Variants in OLFM2 observed in about 807,000 individuals in gnomAD.
The protein encoded by OLFM2 is noelin-2.
In OLFM2, 20 loss-of-function variants were observed where a neutral mutation model predicts 43.9. The observed-to-expected ratio is 0.46, with a 90% confidence interval of 0.32 to 0.66. The LOEUF (loss-of-function observed/expected upper bound fraction) is 0.66, where lower values mean the gene tolerates loss of function less well. OLFM2 is among the 30% of genes least tolerant of loss of function. The probability of loss-of-function intolerance (pLI) is 0.04; values close to 1 mark genes in which losing one functional copy is unlikely to be tolerated. For synonymous variants in OLFM2, 268 were observed against 278.6 expected (o/e 0.96, Z 0.38); for missense variants, 416 against 643.6 (o/e 0.65, Z 3.83).
intron 1 of OLFM2, among the ~76,000 whole-genome samples, chr19:9,902,320 G>A (rs560185077): frequency 4.0e-5 from 6 of 151,248 alleles, no homozygotes; most frequent in Admixed American, 6.6e-5. Flanking sequence ...GAGCCACTGC[G>A]CCCAGCCGAC....
chr19:9,859,409 C>T (rs990922100), intron 2 of OLFM2, among the ~76,000 whole-genome samples: 3 of 152,122 alleles, frequency 2.0e-5, no homozygotes, highest in African/African-American at 4.8e-5. Context: ...CTCCACCTCC[C>T]GGGTTCAAGC....
At chr19:9,899,461 T>C (rs2046712256) in intron 1 of OLFM2, among the ~76,000 whole-genome samples, 2 of 152,046 alleles carry the variant, frequency 1.3e-5, no homozygotes, top group Admixed American at 1.3e-4. Flanking sequence ...TCTCCCTGGC[T>C]CCTTCTCAAT....
At chr19:9,866,808 T>C (rs928551306) in intron 1 of OLFM2, among the ~76,000 whole-genome samples, 4 of 152,106 alleles carry the variant, frequency 2.6e-5, no homozygotes, top group Non-Finnish European at 5.9e-5. Context: ...CAACCCACTC[T>C]CTCTTTGCTG....
intron 1 of OLFM2, among the ~76,000 whole-genome samples, chr19:9,887,086 C>T (rs1390792495): frequency 1.3e-5 from 2 of 152,228 alleles, no homozygotes; most frequent in African/African-American, 4.8e-5. Flanking sequence ...CAGTGCCTGG[C>T]ACGCAGCAGG....
rs948212923 is a variant in OLFM2, at chr19:9,936,448, G to A, written c.-82C>T. ...GGGGACCGCCACCAGGCGCGACCCC[G>A]CCCGCCCGGCCGGGGCGACCCTGCG... On this transcript the variant is annotated 5_prime_UTR_variant, in exon 1 of 6. Coordinates refer to ENST00000264833, the MANE Select transcript of OLFM2 (RefSeq NM_058164.4). 1.7e-5 allele frequency: 17 copies of A among 995,280 alleles called. No homozygotes were observed. The highest frequency in any genetic ancestry group is 9.2e-5 in the East Asian group (1 of 10,874). 61.7% of individuals were successfully genotyped at this position (995,280 alleles called of 1,614,324 possible).
intron 1 of OLFM2, among the ~76,000 whole-genome samples, chr19:9,927,245 G>A (rs2086459142): frequency 6.6e-6 from 1 of 151,962 alleles, no homozygotes; most frequent in South Asian, 2.1e-4. Flanking sequence ...TCGCACCACT[G>A]CACTCCAGCC....
At chr19:9,925,723 C>A (rs900970602) in intron 1 of OLFM2, among the ~76,000 whole-genome samples, 3 of 151,728 alleles carry the variant, frequency 2.0e-5, no homozygotes, top group African/African-American at 2.4e-5. Flanking sequence ...TGTGAGCCAC[C>A]GCGCCTGGCC....
At chr19:9,894,406 TAATAATA>T (rs1476916732) in intron 1 of OLFM2, among the ~76,000 whole-genome samples, 140 of 86,708 alleles carry the variant, frequency 1.6e-3, no homozygotes, top group African/African-American at 3.8e-3. Flanking sequence ...ATAATAATAA[TAATAATA>T]AATAAATAAA....
intron 1 of OLFM2, among the ~76,000 whole-genome samples, chr19:9,893,159 TTTTTTC>T (rs1459665939): frequency 7.2e-6 from 1 of 138,778 alleles, no homozygotes; most frequent in Non-Finnish European, 1.6e-5. Context: ...ATCTTTTATT[TTTTTTC>T]TTTTTCTTTT....
intron 1 of OLFM2, among the ~76,000 whole-genome samples, chr19:9,885,026 G>T (rs1455113504): frequency 6.6e-6 from 1 of 152,158 alleles, no homozygotes; most frequent in South Asian, 2.1e-4. Context: ...GTTTTGAAGC[G>T]GTCATGGAGT....
chr19:9,870,555 G>A (rs1011724057), intron 1 of OLFM2, among the ~76,000 whole-genome samples: 5 of 152,190 alleles, frequency 3.3e-5, no homozygotes, highest in Admixed American at 3.3e-4. Context: ...ACACTGCTGT[G>A]TTCTCTCTGG....
intron 1 of OLFM2, among the ~76,000 whole-genome samples, chr19:9,909,030 G>C (rs985119696): frequency 1.3e-5 from 2 of 151,978 alleles, no homozygotes; most frequent in Non-Finnish European, 2.9e-5. Flanking sequence ...TGTAGAGACA[G>C]GATCTTGCTA....
At chr19:9,860,098 C>T (rs541358833) in intron 2 of OLFM2, among the ~76,000 whole-genome samples, 10 of 151,048 alleles carry the variant, frequency 6.6e-5, no homozygotes, top group Non-Finnish European at 1.2e-4. Flanking sequence ...GCTGAGATCG[C>T]GCCACTGCAC....
At chr19:9,864,948 G>C (rs1311825004) in intron 1 of OLFM2, among the ~76,000 whole-genome samples, 1 of 151,284 alleles carries the variant, frequency 6.6e-6, no homozygotes, top group Non-Finnish European at 1.5e-5. Context: ...TAAGTCTCCC[G>C]GCACGGGTTT....
At position 9,936,362 on chromosome 19, in the gene OLFM2, C is replaced by T; in HGVS notation, c.5G>A (p.Trp2Ter). 6.7e-7 allele frequency: 1 copy of T among 1,497,334 alleles called. No homozygotes were observed. Among genetic ancestry groups the T allele is most frequent in the Non-Finnish European group, 8.8e-7 (1 of 1,130,052 alleles). 92.8% of individuals were successfully genotyped at this position (1,497,334 alleles called of 1,614,324 possible). A position where few individuals can be genotyped will look rare whatever the true frequency, so the allele number is the denominator to read the frequency against. M[W>*]PLTVPPPLLL... ...CAGCGGCGGCGGGACCGTGAGCGGC[C>T]ACATGACGCGCCCCTAGCCCGGCGT... The change falls in exon 1 of 6, where the codon TGG (tryptophan) becomes TAG (stop). Residue 2 changes from tryptophan to a stop codon, truncating the protein, a stop_gained. Coordinates refer to ENST00000264833, the MANE Select transcript of OLFM2 (RefSeq NM_058164.4). LOFTEE classifies it high-confidence loss of function.
intron 1 of OLFM2, among the ~76,000 whole-genome samples, chr19:9,863,488 C>T (rs1425877836): frequency 2.0e-5 from 3 of 151,992 alleles, no homozygotes; most frequent in South Asian, 2.1e-4. Flanking sequence ...GCCATAGAGG[C>T]GGTAAATGGA....
chr19:9,919,273 TCTC>T (rs2086404939), intron 1 of OLFM2, among the ~76,000 whole-genome samples: 1 of 151,062 alleles, frequency 6.6e-6, no homozygotes, highest in Non-Finnish European at 1.5e-5. Flanking sequence ...CTCATGCCAT[TCTC>T]CTGCCTCAGC....
chr19:9,858,054 T>G, intron 2 of OLFM2, 193 bp from the exon 3 acceptor site: 1 of 680,498 alleles, frequency 1.5e-6, no homozygotes, highest in Non-Finnish European at 2.6e-6. Context: ...CCCTCCCTAC[T>G]ACCCACTGGC....
chr19:9,933,435 A>G (rs1206235174), intron 1 of OLFM2, among the ~76,000 whole-genome samples: 1 of 151,452 alleles, frequency 6.6e-6, no homozygotes, highest in Non-Finnish European at 1.5e-5. Context: ...ACGGGGTTTC[A>G]CCATGTTGGC....
Sources: allele counts gnomAD v4.1 joint callset (sites outside exome capture counted in the v4.1 genomes callset), GRCh38; gene constraint gnomAD v4.1.1; transcripts MANE v1.5; gene names NCBI Gene and HGNC (gene_info 2026-07-23, HGNC 2026-07-21).